The following CCNH variants were observed in gnomAD, a reference collection of about 807,000 sequenced individuals.
CCNH encodes cyclin H, also known as cyclin-H.
A neutral mutation model predicts 41.9 loss-of-function variants in CCNH; 31 were observed. The ratio of observed to expected loss-of-function variants is 0.74; its 90% CI spans 0.56 to 1.00. The LOEUF is 1.00. Ranked by LOEUF, CCNH falls within the 50% of genes least tolerant of loss-of-function variation. The probability of loss-of-function intolerance (pLI) is 0.00; values close to 1 mark genes in which losing one functional copy is unlikely to be tolerated. For synonymous variants in CCNH, 138 were observed against 136.1 expected (o/e 1.01, Z -0.10); for missense variants, 362 against 388.4 (o/e 0.93, Z 0.57).
chr5:87,385,656 T>C (rs979639709), intron 9 of CCNH, among the ~76,000 whole-genome samples: 1 of 152,092 alleles, frequency 6.6e-6, no homozygotes, highest in Non-Finnish European at 1.5e-5. Flanking sequence ...ACATAATCAA[T>C]GAGTACATTT....
At chr5:87,368,577 C>T (rs1760699180) in intron 9 of CCNH, among the ~76,000 whole-genome samples, 1 of 152,164 alleles carries the variant, frequency 6.6e-6, no homozygotes. Flanking sequence ...AGGGTTAGTA[C>T]ATCTTGTAAA....
At position 87,397,605 on chromosome 5, in the gene CCNH, A is replaced by T. The variant is rs1024241232; in HGVS notation, c.872+1789T>A. Among the ~76,000 whole-genome samples, 18 of 151,818 alleles carry T rather than the reference A, an allele frequency of 1.2e-4. 1 individual carries two copies. The highest frequency in any genetic ancestry group is 7.7e-4 in the East Asian group (4 of 5,192). ...AGTATACATCTAGTGATTTTTTTTT[A>T]AAAAAGTCCTTCGCAGTTTGAGAAG... On this transcript the variant is annotated intron_variant, in intron 7 of 8. Transcript: ENST00000256897.
upstream of CCNH, among the ~76,000 whole-genome samples, chr5:87,381,420 C>T (rs750267804): frequency 6.6e-6 from 1 of 152,168 alleles, no homozygotes; most frequent in Non-Finnish European, 1.5e-5. Context: ...TCATGGAATA[C>T]AGCAGTTTTC....
chr5:87,408,649 T>C (rs143045313), intron 3 of CCNH, among the ~76,000 whole-genome samples: 2 of 152,312 alleles, frequency 1.3e-5, no homozygotes, highest in African/African-American at 2.4e-5. Flanking sequence ...TAAGGGACTA[T>C]TATTTAAGGG....
chr5:87,321,144 G>A (rs1013761556), intron 9 of CCNH, among the ~76,000 whole-genome samples: 1 of 152,126 alleles, frequency 6.6e-6, no homozygotes, highest in Non-Finnish European at 1.5e-5. Context: ...TGGAAAACGA[G>A]AATAATTTCA....
chr5:87,371,788 C>T (rs1760961693), downstream of CCNH, among the ~76,000 whole-genome samples: 1 of 152,012 alleles, frequency 6.6e-6, no homozygotes, highest in South Asian at 2.1e-4. Flanking sequence ...CAGTTAATTT[C>T]CCCAAGGTAG....
chr5:87,365,692 A>G (rs776499841), intron 9 of CCNH, among the ~76,000 whole-genome samples: 1 of 152,090 alleles, frequency 6.6e-6, no homozygotes, highest in Non-Finnish European at 1.5e-5. Flanking sequence ...CATTAGACTC[A>G]TAAGATAAAA....
chr5:87,327,067 C>T (rs1757284699), intron 9 of CCNH, among the ~76,000 whole-genome samples: 1 of 152,118 alleles, frequency 6.6e-6, no homozygotes, highest in Non-Finnish European at 1.5e-5. Context: ...CCCTGTGATA[C>T]TGGTTTGATA....
intron 9 of CCNH, among the ~76,000 whole-genome samples, chr5:87,335,432 T>G (rs905135274): frequency 4.8e-5 from 7 of 144,336 alleles, no homozygotes; most frequent in African/African-American, 1.6e-4. Context: ...TTTTTTTTTT[T>G]TTTTTTTTTT....
intron 9 of CCNH, among the ~76,000 whole-genome samples, chr5:87,350,282 A>C (rs1759166953): frequency 6.6e-6 from 1 of 151,846 alleles, no homozygotes; most frequent in Admixed American, 6.6e-5. Context: ...CCTCATATAC[A>C]GGTTGCTTGA....
chr5:87,391,060 T>C, downstream of CCNH: 2 of 698,438 alleles, frequency 2.9e-6, no homozygotes, highest in South Asian at 3.2e-5. Context: ...CCAGCAACCT[T>C]GTAAGCTATC....
chr5:87,390,106 C>A (rs1036861424), downstream of CCNH, among the ~76,000 whole-genome samples: 10 of 152,160 alleles, frequency 6.6e-5, no homozygotes, highest in Non-Finnish European at 1.5e-4. Context: ...CTGCACCAAA[C>A]AGATACAGAT....
At chr5:87,370,892 A>G (rs1760885748) in intron 9 of CCNH, among the ~76,000 whole-genome samples, 1 of 152,152 alleles carries the variant, frequency 6.6e-6, no homozygotes, top group Non-Finnish European at 1.5e-5. Flanking sequence ...TGAGCTTACA[A>G]CTGAACGTCA....
chr5:87,329,704 C>T (rs569028860), intron 9 of CCNH, among the ~76,000 whole-genome samples: 1 of 152,028 alleles, frequency 6.6e-6, no homozygotes, highest in Admixed American at 6.6e-5. Context: ...TTAATTTTAT[C>T]TTTGTTGGGT....
downstream of CCNH, among the ~76,000 whole-genome samples, chr5:87,386,561 AC>A (rs1226046599): frequency 7.2e-5 from 11 of 152,164 alleles, no homozygotes; most frequent in African/African-American, 2.6e-4. Context: ...CATTAAAAAT[AC>A]CCATACTCCT....
Position 87,362,564 on chromosome 5 carries a change from T to C in CCNH, c.*90+30206A>G, listed in dbSNP as rs1178664330. 1.9e-6 allele frequency: 3 copies of C among 1,591,770 alleles called. No individual in the cohort carries two copies. The highest frequency in any genetic ancestry group is 2.6e-6 in the Non-Finnish European group (3 of 1,160,134). ...TTTAAAATTCAGGATCAAGAACAAG[T>C]ACTCAATGACACAGTGGATGGCAAG... On this transcript the variant is annotated intron_variant and NMD_transcript_variant, in intron 9 of 9. Transcript: ENST00000645953.
intron 9 of CCNH, among the ~76,000 whole-genome samples, chr5:87,337,115 A>G (rs1464209518): frequency 6.6e-6 from 1 of 152,100 alleles, no homozygotes; most frequent in Non-Finnish European, 1.5e-5. Flanking sequence ...TACAGGGTTA[A>G]TGGTACCATC....
In CCNH at chr5:87,383,612, T is replaced by G; in HGVS notation, c.*90+9158A>C. On this transcript the variant is annotated intron_variant and NMD_transcript_variant, in intron 9 of 9. Coordinates refer to the CCNH transcript ENST00000645953. ...TTGGTTTAGAGTGAATTTTATGGGT[T>G]CTATGAGTACTAAAAATTCTGTTTA... 16 of 875,524 alleles carry G rather than the reference T, an allele frequency of 1.8e-5. 1 individual carries two copies. In the South Asian group the frequency reaches 2.7e-4, roughly 15 times the overall value. The allele number at this position is 875,524 out of a possible 1,614,324, so 54.2% of individuals were successfully genotyped here. A position where few individuals can be genotyped will look rare whatever the true frequency, so the allele number is the denominator to read the frequency against.
At chr5:87,346,750 T>A in intron 9 of CCNH, 1 of 1,470,382 alleles carries the variant, frequency 6.8e-7, no homozygotes, top group Non-Finnish European at 9.5e-7. Context: ...CTTGCTTTTC[T>A]AATGTCTATT....
Sources: gnomAD v4.1 joint callset for allele counts (sites outside exome capture counted in the v4.1 genomes callset) on GRCh38, gnomAD v4.1.1 for gene constraint, MANE v1.5 for transcripts, NCBI Gene and HGNC (gene_info 2026-07-23, HGNC 2026-07-21) for gene names.